The following DNAH12 variants were observed in gnomAD, a reference collection of about 807,000 sequenced individuals.
The protein encoded by DNAH12 is axonemal beta dynein heavy chain 12.
In DNAH12, 285 loss-of-function variants were observed where a neutral mutation model predicts 371.5. The observed-to-expected ratio is 0.77, with a 90% CI of 0.70 to 0.85. The LOEUF is 0.85. Among genes scored for constraint, DNAH12 ranks in the 40% least tolerant of loss-of-function variants. The probability of loss-of-function intolerance (pLI) is 0.00; values close to 1 mark genes in which losing one functional copy is unlikely to be tolerated. For missense variants in DNAH12, 3,611 were observed against 3,689.4 expected, an observed-to-expected ratio of 0.98 and a Z score of 0.55; for synonymous variants, 1,200 against 1,213.0, an observed-to-expected ratio of 0.99 and a Z score of 0.22.
At chr3:57,307,520 G>C (rs113172352) in intron 69 of DNAH12, among the ~76,000 whole-genome samples, 17 of 152,080 alleles carry the variant, frequency 1.1e-4, no homozygotes, top group African/African-American at 4.1e-4. Flanking sequence ...TCAAGTCTGC[G>C]TGCAGTGGCC....
In DNAH12 at chr3:57,501,320, C is replaced by G; in HGVS notation, c.1335+1G>C. Reference sequence around the variant, plus strand: ...TTAATAAAAACAGAATTACCGCTTACCTCTGTATATTCATCAAAAGTATGA... The same window carrying G: ...TTAATAAAAACAGAATTACCGCTTAGCTCTGTATATTCATCAAAAGTATGA... On this transcript the variant is annotated splice_donor_variant, in intron 11 of 73. Transcript: ENST00000495027. LOFTEE classifies it high-confidence loss of function. 1 of 1,600,740 alleles carries G rather than the reference C, an allele frequency of 6.2e-7. No homozygotes were observed. Among genetic ancestry groups the G allele is most frequent in the East Asian group, 2.3e-5 (1 of 44,150 alleles).
chr3:57,453,003 T>C lies in DNAH12; in HGVS notation c.3626A>G (p.Asp1209Gly). The C allele has an allele frequency of 6.5e-7, 1 of 1,546,346 alleles. No individual in the cohort carries two copies. The highest frequency in any genetic ancestry group is 8.7e-7 in the Non-Finnish European group (1 of 1,146,060). ...MDMIKMGVSH[D>G]TDFLWLAQLR... is the part of the protein sequence containing the mutation. ...CTGAGCAAGCCACAGGAAATCTGTA[T>C]CATGTGAGACACCTAGAAAAAATAA... The change falls in exon 25 of 74, where the codon GAT becomes GGT. Residue 1209 changes from aspartate (D) to glycine (G), a missense_variant. By Grantham distance (94) the Asp-to-Gly change is moderately conservative. Coordinates refer to ENST00000495027, the MANE Select transcript of DNAH12 (RefSeq NM_001366028.2).
At chr3:57,480,847 A>T (rs1219023926) in intron 13 of DNAH12, among the ~76,000 whole-genome samples, 1 of 152,228 alleles carries the variant, frequency 6.6e-6, no homozygotes, top group African/African-American at 2.4e-5. Flanking sequence ...GATGCGGAAA[A>T]GGCCTTTGAC....
chr3:57,520,389 C>T (rs1394026014), intron 4 of DNAH12, among the ~76,000 whole-genome samples: 1 of 151,040 alleles, frequency 6.6e-6, no homozygotes, highest in Admixed American at 6.6e-5. Flanking sequence ...CTGCGCCTGA[C>T]CGTTTTTACC....
chr3:57,481,182 GC>G (rs1425993981), intron 13 of DNAH12, among the ~76,000 whole-genome samples: 3 of 152,180 alleles, frequency 2.0e-5, no homozygotes, highest in Non-Finnish European at 4.4e-5. Context: ...CATTGTCTCA[GC>G]CCAAAATCTC....
At chr3:57,348,607 C>T (rs2062600743) in intron 60 of DNAH12, among the ~76,000 whole-genome samples, 2 of 152,124 alleles carry the variant, frequency 1.3e-5, no homozygotes, top group Non-Finnish European at 2.9e-5. Flanking sequence ...TCTCTATCTT[C>T]TGCTCAGTTT....
In DNAH12 at chr3:57,429,753, T is replaced by C. The variant is rs1423441297; in HGVS notation, c.5002A>G (p.Ile1668Val). Reference protein sequence around the residue: ...NKKLCLMSGEIIQMSPQMSLI... With the variant: ...NKKLCLMSGEVIQMSPQMSLI... The stretch of plus-strand genomic sequence containing the variant: ...CTCATTTGGGGGGACATCTGAATGA[T>C]TTCTCCACTCATAAGGCAAAGCTAA... The change falls in exon 33 of 74, where the codon ATC becomes GTC. Residue 1668 changes from isoleucine to valine, a missense_variant. Ile to Val is a conservative substitution (Grantham distance 29). This residue lies in a region of DNAH12 where 2,266 missense variants were observed against 2,236.9 expected (regional missense o/e 1.01). Transcript: ENST00000495027. 1 of 1,528,354 alleles carries C rather than the reference T, an allele frequency of 6.5e-7. No homozygotes were observed. Among genetic ancestry groups the C allele is most frequent in the Non-Finnish European group, 8.8e-7 (1 of 1,139,622 alleles). 94.7% of individuals were successfully genotyped at this position (1,528,354 alleles called of 1,614,324 possible). A position where few individuals can be genotyped will look rare whatever the true frequency, so the allele number is the denominator to read the frequency against.
intron 6 of DNAH12, 92 bp from the exon 7 acceptor site, chr3:57,508,632 G>T: frequency 7.1e-7 from 1 of 1,408,240 alleles, no homozygotes. Flanking sequence ...TAGTATTGAA[G>T]TGAGAAAACT....
chr3:57,450,838 C>G (rs115994397), intron 25 of DNAH12, among the ~76,000 whole-genome samples: 2 of 152,292 alleles, frequency 1.3e-5, no homozygotes, highest in South Asian at 4.1e-4. Context: ...TTTACCCAGC[C>G]ATTGCATTCA....
rs536341205 is a variant in DNAH12 at position 57,542,861 on chromosome 3, C to T, written c.10G>A (p.Ala4Thr). The change falls in exon 2 of 74, where the codon GCA becomes ACA. Residue 4 changes from alanine to threonine, a missense_variant. By Grantham distance (58) the Ala-to-Thr change is moderately conservative. Coordinates refer to ENST00000495027, the MANE Select transcript of DNAH12 (RefSeq NM_001366028.2). MSD[A>T]NKAAIAAEKE... ...TCTGCTGCAATGGCAGCTTTGTTTG[C>T]ATCTGACATCTTGATCCCCTAAAGA... 1.1e-5 allele frequency: 18 copies of T among 1,587,462 alleles called. No homozygotes were observed. Among genetic ancestry groups the T allele is most frequent in the Middle Eastern group, 1.7e-4 (1 of 5,964 alleles).
chr3:57,372,968 A>C (rs2063206470), intron 55 of DNAH12, among the ~76,000 whole-genome samples: 2 of 152,260 alleles, frequency 1.3e-5, no homozygotes, highest in African/African-American at 4.8e-5. Context: ...CTAAAGGGAC[A>C]AAACAGTGAG....
intron 22 of DNAH12, among the ~76,000 whole-genome samples, chr3:57,455,497 G>A (rs1351804455): frequency 6.6e-6 from 1 of 152,048 alleles, no homozygotes; most frequent in Non-Finnish European, 1.5e-5. Context: ...TTCAACCTGG[G>A]AGGCAGAGGT....
chr3:57,476,603 A>T (rs533648536), intron 13 of DNAH12, among the ~76,000 whole-genome samples: 2 of 152,174 alleles, frequency 1.3e-5, no homozygotes, highest in African/African-American at 4.8e-5. Flanking sequence ...TAGCACTAAC[A>T]TCCAGAAGAC....
Position 57,408,168 on chromosome 3 carries a change from AAC to A in DNAH12, c.6276+110_6276+111del. On this transcript the variant is annotated intron_variant, in intron 40 of 73. Transcript: ENST00000495027. ...GATCTTCCTATTCTCTGGTCTTCTA[AAC>A]AGTTTCTCTGACACCAAAGACCAAA... The A allele has an allele frequency of 1.6e-6, 2 of 1,221,948 alleles. 1 individual carries two copies. The highest frequency in any genetic ancestry group is 3.9e-5 in the South Asian group (2 of 50,676). The allele number at this position is 1,221,948 out of a possible 1,614,324, so 75.7% of individuals were successfully genotyped here. A position where few individuals can be genotyped will look rare whatever the true frequency, so the allele number is the denominator to read the frequency against.
intron 70 of DNAH12, among the ~76,000 whole-genome samples, chr3:57,299,677 C>A (rs1428085121): frequency 6.6e-6 from 1 of 151,946 alleles, no homozygotes; most frequent in Non-Finnish European, 1.5e-5. Flanking sequence ...GGATTAGCAC[C>A]CTTATAAGAA....
intron 59 of DNAH12, among the ~76,000 whole-genome samples, chr3:57,355,527 A>G (rs1208855916): frequency 6.7e-6 from 1 of 150,338 alleles, no homozygotes; most frequent in Non-Finnish European, 1.5e-5. Flanking sequence ...GAACATATGC[A>G]ATCAATTCTT....
chr3:57,338,436 C>T (rs1332531042), intron 60 of DNAH12, among the ~76,000 whole-genome samples: 1 of 150,946 alleles, frequency 6.6e-6, no homozygotes, highest in Non-Finnish European at 1.5e-5. Context: ...TCTGCCTGGC[C>T]GCCCATCATC....
chr3:57,519,144 C>G (rs1352749038), intron 4 of DNAH12, among the ~76,000 whole-genome samples: 1 of 152,236 alleles, frequency 6.6e-6, no homozygotes, highest in Admixed American at 6.5e-5. Flanking sequence ...ATTACCATAA[C>G]GGCTAATGAT....
At chr3:57,341,830 A>T (rs1178171810) in intron 60 of DNAH12, among the ~76,000 whole-genome samples, 2 of 151,652 alleles carry the variant, frequency 1.3e-5, no homozygotes, top group African/African-American at 4.9e-5. Flanking sequence ...AAAAAGAACA[A>T]ATCTAGATGC....
Sources: allele counts gnomAD v4.1 joint callset (sites outside exome capture counted in the v4.1 genomes callset), GRCh38; gene constraint gnomAD v4.1.1; regional missense constraint gnomAD v4.1.1; transcripts MANE v1.5; gene names NCBI Gene and HGNC (gene_info 2026-07-23, HGNC 2026-07-21).